ARB2A: variants seen among roughly 807,000 people sequenced by gnomAD.
ARB2A encodes the protein ARB2 cotranscriptional regulator A, also known as cotranscriptional regulator ARB2A.
chr5:93,909,212 T>C, the ARB2A span, among the ~76,000 whole-genome samples: 7 of 151,088 alleles, frequency 4.6e-5, no homozygotes, highest in Non-Finnish European at 1.5e-5. Context: ...AATGGACATA[T>C]GAATAAGTTT....
chr5:93,796,370 G>C, the ARB2A span, among the ~76,000 whole-genome samples: 3 of 152,152 alleles, frequency 2.0e-5, no homozygotes, highest in Non-Finnish European at 4.4e-5. Context: ...GCACTAATGT[G>C]ATTGGCCTAT....
the ARB2A span, among the ~76,000 whole-genome samples, chr5:93,747,826 T>C: frequency 4.6e-5 from 7 of 152,144 alleles, no homozygotes; most frequent in Admixed American, 6.5e-5. Flanking sequence ...TCAAACCAAC[T>C]GTGAGTGGAA....
chr5:93,827,209 C>A, the ARB2A span, among the ~76,000 whole-genome samples: 1,075 of 152,268 alleles, frequency 7.1e-3, 11 homozygotes, highest in African/African-American at 0.025. Flanking sequence ...TACAGTCCCA[C>A]CAACAGTGTA....
the ARB2A span, among the ~76,000 whole-genome samples, chr5:94,048,879 G>A: frequency 6.6e-6 from 1 of 152,140 alleles, no homozygotes; most frequent in Non-Finnish European, 1.5e-5. Context: ...ATGATCCAGA[G>A]CAAAAGCTGT....
chr5:93,705,641 G>A, the ARB2A span, among the ~76,000 whole-genome samples: 1 of 145,812 alleles, frequency 6.9e-6, no homozygotes, highest in South Asian at 2.1e-4. Context: ...GTGTGTGTGT[G>A]TGTGTGTGTG....
At chr5:94,099,184 C>T in the ARB2A span, among the ~76,000 whole-genome samples, 1 of 152,230 alleles carries the variant, frequency 6.6e-6, no homozygotes, top group East Asian at 1.9e-4. Context: ...AAAAAGAAAA[C>T]TTCAGGCCAA....
At chr5:93,641,409 A>T in the ARB2A span, among the ~76,000 whole-genome samples, 1 of 152,198 alleles carries the variant, frequency 6.6e-6, no homozygotes, top group East Asian at 1.9e-4. Flanking sequence ...TTAAAAAATC[A>T]TATTGATGGG....
the ARB2A span, among the ~76,000 whole-genome samples, chr5:93,827,532 T>G: frequency 6.6e-6 from 1 of 152,162 alleles, no homozygotes; most frequent in Non-Finnish European, 1.5e-5. Context: ...AAACTTTTCC[T>G]CCATTCTGTA....
the ARB2A span, among the ~76,000 whole-genome samples, chr5:93,720,871 C>T: frequency 6.6e-6 from 1 of 152,138 alleles, no homozygotes; most frequent in African/African-American, 2.4e-5. Flanking sequence ...AAGTGCCAGA[C>T]TCACTGTTTT....
At chr5:93,741,117 G>T in the ARB2A span, 3 of 1,613,828 alleles carry the variant, frequency 1.9e-6, no homozygotes, top group Non-Finnish European at 2.5e-6. Flanking sequence ...CTCCCACAGC[G>T]ATCCCCACAT....
chr5:93,953,294 G>C, the ARB2A span, among the ~76,000 whole-genome samples: 4 of 152,110 alleles, frequency 2.6e-5, no homozygotes, highest in Non-Finnish European at 5.9e-5. Context: ...CCTACTTCCT[G>C]GGAAGGCTTT....
At chr5:93,683,730 C>T in the ARB2A span, 2 of 1,608,738 alleles carry the variant, frequency 1.2e-6, no homozygotes, top group Non-Finnish European at 8.5e-7. Context: ...GGTGGCGGCA[C>T]GCACTTAGGT....
the ARB2A span, among the ~76,000 whole-genome samples, chr5:94,048,728 T>G: frequency 6.6e-6 from 1 of 152,214 alleles, no homozygotes; most frequent in African/African-American, 2.4e-5. Context: ...AAGGGGCTAT[T>G]AGCAATCCTT....
chr5:93,714,052 G>A, the ARB2A span, among the ~76,000 whole-genome samples: 3 of 152,140 alleles, frequency 2.0e-5, no homozygotes, highest in Admixed American at 6.5e-5. Flanking sequence ...TAGGATGCTG[G>A]AAAAATATAT....
the ARB2A span, among the ~76,000 whole-genome samples, chr5:93,768,843 C>G: frequency 6.6e-6 from 1 of 151,956 alleles, no homozygotes; most frequent in African/African-American, 2.4e-5. Context: ...TTTGGCCTCC[C>G]AAAATGCTGA....
At chr5:93,715,618 T>C in the ARB2A span, among the ~76,000 whole-genome samples, 1 of 151,216 alleles carries the variant, frequency 6.6e-6, no homozygotes. Context: ...GGCACTTTCT[T>C]CTTTGCACTG....
chr5:93,991,339 G>A, the ARB2A span, among the ~76,000 whole-genome samples: 228 of 152,144 alleles, frequency 1.5e-3, no homozygotes, highest in African/African-American at 5.1e-3. Flanking sequence ...TTAAAAGGGA[G>A]ACAACAATAT....
At chr5:93,624,847 A>G in the ARB2A span, among the ~76,000 whole-genome samples, 1 of 152,130 alleles carries the variant, frequency 6.6e-6, no homozygotes, top group Non-Finnish European at 1.5e-5. Flanking sequence ...ACCTGTTTAT[A>G]ATTATATGGA....
At chr5:93,688,838 CT>C in the ARB2A span, among the ~76,000 whole-genome samples, 1 of 152,178 alleles carries the variant, frequency 6.6e-6, no homozygotes, top group African/African-American at 2.4e-5. Context: ...TCAGGACCCA[CT>C]GAGTTTCCTA....
Sources: gnomAD v4.1 joint callset for allele counts (sites outside exome capture counted in the v4.1 genomes callset) on GRCh38, gnomAD v4.1.1 for gene constraint, MANE v1.5 for transcripts, NCBI Gene and HGNC (gene_info 2026-07-23, HGNC 2026-07-21) for gene names.